ZNF362: variants seen among roughly 807,000 people sequenced by gnomAD.
ZNF362 encodes zinc finger protein 362, also known as rotund homolog.
ZNF362 carries 11 observed loss-of-function variants against 42.9 expected under a neutral mutation model. The observed-to-expected ratio is 0.26, with a 90% CI of 0.16 to 0.42. ZNF362 has a LOEUF of 0.42. Among genes scored for constraint, ZNF362 ranks in the 20% least tolerant of loss-of-function variants. ZNF362 has a pLI of 1.00. For synonymous variants in ZNF362, 255 were observed against 257.3 expected (o/e 0.99, Z 0.09); for missense variants, 362 against 576.2 (o/e 0.63, Z 3.81).
chr1:33,215,829 T>C, the ZNF362 span, among the ~76,000 whole-genome samples: 1 of 151,716 alleles, frequency 6.6e-6, no homozygotes, highest in South Asian at 2.1e-4. Flanking sequence ...TTTCTTAATG[T>C]CACGAATTTT....
the ZNF362 span, among the ~76,000 whole-genome samples, chr1:33,233,693 C>T: frequency 2.0e-5 from 3 of 152,150 alleles, no homozygotes; most frequent in Non-Finnish European, 2.9e-5. Flanking sequence ...CATGAGCCAC[C>T]GAGCCTGGCC....
At chr1:33,189,683 ACG>A in the ZNF362 span, among the ~76,000 whole-genome samples, 1,605 of 15,226 alleles carry the variant, frequency 0.11, 111 homozygotes, top group Middle Eastern at 0.29. Flanking sequence ...GTATATATAT[ACG>A]TATATATATA....
chr1:33,128,058 AG>A, the ZNF362 span, among the ~76,000 whole-genome samples: 2 of 152,170 alleles, frequency 1.3e-5, no homozygotes, highest in East Asian at 3.8e-4. Flanking sequence ...ATTATTCTAA[AG>A]ATAAATAAAT....
the ZNF362 span, among the ~76,000 whole-genome samples, chr1:33,138,952 G>C: frequency 2.6e-5 from 4 of 152,210 alleles, no homozygotes; most frequent in African/African-American, 7.2e-5. Context: ...TGTGAAAGAT[G>C]ATCATATTTG....
chr1:33,221,128 G>A, the ZNF362 span, among the ~76,000 whole-genome samples: 1 of 152,240 alleles, frequency 6.6e-6, no homozygotes, highest in Non-Finnish European at 1.5e-5. Flanking sequence ...GGCGTGGAGG[G>A]CAAGACCCGG....
At chr1:33,278,091 C>T (rs995333394) in intron 4 of ZNF362, among the ~76,000 whole-genome samples, 1 of 152,076 alleles carries the variant, frequency 6.6e-6, no homozygotes, top group Non-Finnish European at 1.5e-5. Flanking sequence ...TTATTTTTTC[C>T]ATTATAAAAG....
At chr1:33,133,563 A>G in the ZNF362 span, among the ~76,000 whole-genome samples, 1 of 152,212 alleles carries the variant, frequency 6.6e-6, no homozygotes, top group African/African-American at 2.4e-5. Flanking sequence ...TGAGGAGAGC[A>G]GGGCCGGGAT....
At chr1:33,197,496 T>C in the ZNF362 span, among the ~76,000 whole-genome samples, 2 of 152,204 alleles carry the variant, frequency 1.3e-5, no homozygotes, top group African/African-American at 4.8e-5. Context: ...GCGTCCATCA[T>C]TGATCAAAAG....
At chr1:33,256,913 CGTGTGTGTGTGTGCGCGCGCGT>C (rs1557784589) in intron 1 of ZNF362, among the ~76,000 whole-genome samples, 2 of 149,636 alleles carry the variant, frequency 1.3e-5, no homozygotes, top group Non-Finnish European at 3.0e-5. Context: ...AGTGTGTGTG[CGTGTGTGTGTGTGCGCGCGCGT>C]GTGTGTGTGT....
rs1405453447 is a variant in ZNF362, at chr1:33,294,536, A to G, written c.909-401A>G. Among the ~76,000 whole-genome samples, 1 of 152,150 alleles carries G rather than the reference A, an allele frequency of 6.6e-6. No individual in the cohort carries two copies. The highest frequency in any genetic ancestry group is 6.5e-5 in the Admixed American group (1 of 15,280). On this transcript the variant is annotated intron_variant, in intron 6 of 8. Coordinates refer to ENST00000539719, the MANE Select transcript of ZNF362 (RefSeq NM_152493.3). This position sits in a 1 kb window ranked among gnomAD's most constrained non-coding sequence, Gnocchi z 4.2. The stretch of plus-strand genomic sequence containing the variant: ...GGAGATGTCTCCTTCTTCTTAGGGA[A>G]GGAGGCTGGGTGGGCAGGGAAGGTC...
the ZNF362 span, among the ~76,000 whole-genome samples, chr1:33,215,351 A>G: frequency 3.3e-5 from 5 of 152,130 alleles, no homozygotes; most frequent in Non-Finnish European, 7.4e-5. Flanking sequence ...GCTGAGAAGG[A>G]AGCTTGGGGT....
chr1:33,162,415 C>T, the ZNF362 span, among the ~76,000 whole-genome samples: 1 of 152,204 alleles, frequency 6.6e-6, no homozygotes, highest in African/African-American at 2.4e-5. Context: ...CTTGGATGTT[C>T]CCAGAGCCTT....
the ZNF362 span, among the ~76,000 whole-genome samples, chr1:33,236,024 G>C: frequency 1.3e-5 from 2 of 152,090 alleles, no homozygotes; most frequent in African/African-American, 4.8e-5. Flanking sequence ...CCAGACTGTT[G>C]GGGGTGCAAG....
the ZNF362 span, among the ~76,000 whole-genome samples, chr1:33,168,707 T>C: frequency 2.4e-3 from 363 of 152,344 alleles, 1 homozygote; most frequent in African/African-American, 7.2e-3. Flanking sequence ...CAGAGGAATC[T>C]TGTTTGCCTA....
At chr1:33,165,902 C>A in the ZNF362 span, 13 of 190,256 alleles carry the variant, frequency 6.8e-5, no homozygotes, top group African/African-American at 2.6e-4. This position sits in a 1 kb window ranked among gnomAD's most constrained non-coding sequence, Gnocchi z 4.0. Flanking sequence ...GGGTCTCCAA[C>A]CCCCAGGCCA....
At chr1:33,181,197 G>T in the ZNF362 span, 4 of 1,589,624 alleles carry the variant, frequency 2.5e-6, no homozygotes, top group Non-Finnish European at 3.4e-6. The surrounding 1 kb of genome is among the most constrained non-coding windows in gnomAD (Gnocchi z 6.5). Context: ...GGCGTCCAGC[G>T]GGAAGGAGCT....
the ZNF362 span, among the ~76,000 whole-genome samples, chr1:33,238,529 C>T: frequency 6.6e-6 from 1 of 152,056 alleles, no homozygotes; most frequent in Non-Finnish European, 1.5e-5. Context: ...ATTGGCCAAG[C>T]CTAGGTCAGG....
the ZNF362 span, among the ~76,000 whole-genome samples, chr1:33,202,594 T>A: frequency 6.0e-4 from 83 of 137,330 alleles, no homozygotes; most frequent in Non-Finnish European, 5.6e-4. Flanking sequence ...CGAGACTCCA[T>A]AAAAAAAAAA....
the ZNF362 span, among the ~76,000 whole-genome samples, chr1:33,212,671 G>A: frequency 6.6e-6 from 1 of 152,016 alleles, no homozygotes; most frequent in South Asian, 2.1e-4. Context: ...GGGGTGCAGT[G>A]GGGAGGTGCC....
Sources: allele counts gnomAD v4.1 joint callset (sites outside exome capture counted in the v4.1 genomes callset), GRCh38; gene constraint gnomAD v4.1.1; non-coding constraint Gnocchi (gnomAD v3.1); transcripts MANE v1.5; gene names NCBI Gene and HGNC (gene_info 2026-07-23, HGNC 2026-07-21).